Variants in KHSRP observed in about 807,000 individuals in gnomAD.
The protein encoded by KHSRP is KH-type splicing regulatory protein.
KHSRP carries 13 observed loss-of-function variants against 94.9 expected under a neutral mutation model. The observed-to-expected ratio is 0.14, with a 90% CI of 0.09 to 0.22. The LOEUF is 0.22. KHSRP is among the 10% of genes least tolerant of loss of function. The pLI, the probability that KHSRP is intolerant of heterozygous loss-of-function variation, is 1.00. For synonymous variants in KHSRP, 495 were observed against 401.4 expected, an observed-to-expected ratio of 1.23 and a Z score of -2.79; for missense variants, 710 against 1,010.0, an observed-to-expected ratio of 0.70 and a Z score of 4.03.
In KHSRP at chr19:6,421,321, T is replaced by C. The variant is rs766054606; in HGVS notation, c.386-4A>G. The C allele has an allele frequency of 3.2e-6, 5 of 1,586,794 alleles. No homozygotes were observed. Among genetic ancestry groups the C allele is most frequent in the East Asian group, 4.6e-5 (2 of 43,500 alleles). On this transcript the variant is annotated splice_polypyrimidine_tract_variant and splice_region_variant and intron_variant, in intron 3 of 18. Coordinates refer to ENST00000600480, the MANE Select transcript of KHSRP (RefSeq NM_001366299.1). ...GGTCCAAGTTGAGAACTGATTGCTGTAGAGAGAAAACCCAAAGCAAAGACT... is the reference window on the plus strand; with the variant it reads ...GGTCCAAGTTGAGAACTGATTGCTGCAGAGAGAAAACCCAAAGCAAAGACT...
chr19:6,419,066 G>A (rs2092177215), intron 7 of KHSRP, 137 bp downstream of exon 7: 3 of 1,126,124 alleles, frequency 2.7e-6, no homozygotes, highest in African/African-American at 1.6e-5. Context: ...TCAGCCTCAT[G>A]TTAACATGGC....
intron 1 of KHSRP, 68 bp downstream of exon 1, chr19:6,424,385 T>C (rs1239955111): frequency 5.1e-5 from 41 of 807,118 alleles, no homozygotes; most frequent in Admixed American, 3.2e-4. Flanking sequence ...CGCGCGCACG[T>C]GACCCCCGCC....
Position 6,413,203 on chromosome 19 carries a change from T to C in KHSRP, c.*1821A>G, listed in dbSNP as rs2145106180. On this transcript the variant is annotated 3_prime_UTR_variant, in exon 19 of 19. Coordinates refer to ENST00000600480, the MANE Select transcript of KHSRP (RefSeq NM_001366299.1). ...CCTGAAGAAAACTATTTTATATTTT[T>C]CTTAAAAAAAAAAAAACACAAAGTT... is the stretch of plus-strand genomic sequence containing the variant. 1 of 158,790 alleles carries C rather than the reference T, an allele frequency of 6.3e-6. No homozygotes were observed. The highest frequency in any genetic ancestry group is 1.3e-4 in the South Asian group (1 of 7,658). The allele number at this position is 158,790 out of a possible 1,614,324, so 9.8% of individuals were successfully genotyped here. A position where few individuals can be genotyped will look rare whatever the true frequency, so the allele number is the denominator to read the frequency against.
intron 7 of KHSRP, 48 bp downstream of exon 7, chr19:6,419,155 C>A: frequency 6.6e-7 from 1 of 1,525,556 alleles, no homozygotes. Context: ...ACAGAGCAGG[C>A]TTCTGCCTGC....
rs377694691 is a variant in KHSRP, at chr19:6,420,205, G to A, written c.476-61C>T. 4.1e-5 allele frequency: 60 copies of A among 1,470,424 alleles called. No individual in the cohort carries two copies. In the East Asian group the frequency reaches 1.0e-3, roughly 25 times the overall value. 91.1% of individuals were successfully genotyped at this position (1,470,424 alleles called of 1,614,324 possible). A position where few individuals can be genotyped will look rare whatever the true frequency, so the allele number is the denominator to read the frequency against. On this transcript the variant is annotated intron_variant, in intron 5 of 18. Coordinates refer to ENST00000600480, the MANE Select transcript of KHSRP (RefSeq NM_001366299.1). ...TGAGGGAAGGGAGCCCAGGCCTCAG[G>A]AGACTGTGTGGCCGGGGCCCCAGCC...
rs977739856 is a variant in KHSRP, at chr19:6,424,439, C to T, written c.249+14G>A. On this transcript the variant is annotated intron_variant, in intron 1 of 18. Coordinates refer to ENST00000600480, the MANE Select transcript of KHSRP (RefSeq NM_001366299.1). Reference sequence around the variant, plus strand: ...CGCGCGCGAGCGCGCCCCTCAGGCCCTCGGCCTCCTCACCTGGCGGGCCCG... The same window carrying T: ...CGCGCGCGAGCGCGCCCCTCAGGCCTTCGGCCTCCTCACCTGGCGGGCCCG... 2 of 990,796 alleles carry T rather than the reference C, an allele frequency of 2.0e-6. No homozygotes were observed. The highest frequency in any genetic ancestry group is 3.5e-5 in the African/African-American group (2 of 56,666). 61.4% of individuals were successfully genotyped at this position (990,796 alleles called of 1,614,324 possible).
Position 6,414,830 on chromosome 19 carries a change from C to T in KHSRP, c.*194G>A, listed in dbSNP as rs943622500. Reference sequence around the variant, plus strand: ...CCCACCGTCCGCGCTGTCTGCCTGCCCCCCGACTCCCCAGCAGTTCAGAAG... The same window carrying T: ...CCCACCGTCCGCGCTGTCTGCCTGCTCCCCGACTCCCCAGCAGTTCAGAAG... On this transcript the variant is annotated 3_prime_UTR_variant, in exon 19 of 19. Transcript: ENST00000600480. 2.4e-6 allele frequency: 3 copies of T among 1,235,398 alleles called. No individual in the cohort carries two copies. Among genetic ancestry groups the T allele is most frequent in the African/African-American group, 3.1e-5 (2 of 64,168 alleles). 76.5% of individuals were successfully genotyped at this position (1,235,398 alleles called of 1,614,324 possible). A position where few individuals can be genotyped will look rare whatever the true frequency, so the allele number is the denominator to read the frequency against.
chr19:6,417,923 C>G, intron 10 of KHSRP, 58 bp downstream of exon 10: 8 of 1,602,126 alleles, frequency 5.0e-6, no homozygotes, highest in Non-Finnish European at 5.1e-6. Flanking sequence ...AGCCACTCAC[C>G]CCGGCCCCTC....
At chr19:6,423,758 G>A (rs369223185) in intron 1 of KHSRP, among the ~76,000 whole-genome samples, 11 of 152,276 alleles carry the variant, frequency 7.2e-5, no homozygotes, top group African/African-American at 2.2e-4. Flanking sequence ...ACCCCTCCAG[G>A]CCATGGGGAG....
intron 7 of KHSRP, 110 bp downstream of exon 7, chr19:6,419,093 C>G: frequency 8.3e-7 from 1 of 1,205,942 alleles, no homozygotes; most frequent in Non-Finnish European, 1.2e-6. Context: ...GAGATGGGGG[C>G]AAGAATGGAG....
In KHSRP at chr19:6,415,007, G is replaced by T; in HGVS notation, c.*17C>A. On this transcript the variant is annotated 3_prime_UTR_variant, in exon 19 of 19. Coordinates refer to ENST00000600480, the MANE Select transcript of KHSRP (RefSeq NM_001366299.1). The stretch of plus-strand genomic sequence containing the variant: ...GACTCCCGGAGACCTCCGGCCACAC[G>T]GCCCCCGCTGCAGGCATCAAGGGCA... 1 of 1,453,256 alleles carries T rather than the reference G, an allele frequency of 6.9e-7. No individual in the cohort carries two copies. The highest frequency in any genetic ancestry group is 9.0e-7 in the Non-Finnish European group (1 of 1,109,808). 90.0% of individuals were successfully genotyped at this position (1,453,256 alleles called of 1,614,324 possible). A position where few individuals can be genotyped will look rare whatever the true frequency, so the allele number is the denominator to read the frequency against.
At chr19:6,415,959 T>C (rs2092142505) in intron 15 of KHSRP, 63 bp from the exon 16 acceptor site, 2 of 1,071,126 alleles carry the variant, frequency 1.9e-6, no homozygotes, top group South Asian at 1.7e-5. Context: ...CCGGACCACC[T>C]GGGGTGGGGA....
chr19:6,419,273 GAT>G lies in KHSRP; in HGVS notation c.548-15_548-14del. The G allele has an allele frequency of 1.3e-6, 2 of 1,560,140 alleles. No individual in the cohort carries two copies. The highest frequency in any genetic ancestry group is 1.7e-6 in the Non-Finnish European group (2 of 1,153,392). On this transcript the variant is annotated splice_polypyrimidine_tract_variant and intron_variant, in intron 6 of 18. Coordinates refer to ENST00000600480, the MANE Select transcript of KHSRP (RefSeq NM_001366299.1). ...AGGCCACCGCTGTCTGAAAAGAGGA[GAT>G]AGAGTCAGTGCCCTCCCTGGCCCAC... is the stretch of plus-strand genomic sequence containing the variant.
chr19:6,416,287 AG>A lies in KHSRP; in HGVS notation c.1598+10del. 1 of 1,587,596 alleles carries A rather than the reference AG, an allele frequency of 6.3e-7. No homozygotes were observed. Among genetic ancestry groups the A allele is most frequent in the South Asian group, 1.1e-5 (1 of 88,266 alleles). ...CCCGGCCTCAAAACCCAGGAGGCAG[AG>A]GATACTCACTGTGGGGGAGCCCCGG... On this transcript the variant is annotated intron_variant, in intron 15 of 18. Coordinates refer to ENST00000600480, the MANE Select transcript of KHSRP (RefSeq NM_001366299.1).
In KHSRP at chr19:6,417,761, G is replaced by A. The variant is rs375087226; in HGVS notation, c.1059C>T (p.Gly353=). The A allele has an allele frequency of 5.5e-4, 887 of 1,613,828 alleles. No individual in the cohort carries two copies. The highest frequency in any genetic ancestry group is 6.8e-4 in the Non-Finnish European group (808 of 1,179,768). Reference sequence around the variant, plus strand: ...GACCTTGCTTGAACTGTATCCGCACGCCAGCATCATTCTGGATCTTCTTGA... The same window carrying A: ...GACCTTGCTTGAACTGTATCCGCACACCAGCATCATTCTGGATCTTCTTGA... ...EMIKKIQNDA[G]VRIQFKQDDG... Residue 353 remains glycine (G), a synonymous_variant, in exon 11 of 19, where the codon GGC becomes GGT. Coordinates refer to ENST00000600480, the MANE Select transcript of KHSRP (RefSeq NM_001366299.1).
chr19:6,423,869 CAA>C (rs1049770185), intron 1 of KHSRP, among the ~76,000 whole-genome samples: 10 of 152,316 alleles, frequency 6.6e-5, no homozygotes, highest in South Asian at 2.1e-4. Flanking sequence ...TTCTTTCCCC[CAA>C]AGAGACAGAC....
chr19:6,421,486 C>T lies in KHSRP; in HGVS notation c.385+164G>A, dbSNP rs950916860. On this transcript the variant is annotated intron_variant, in intron 3 of 18. Transcript: ENST00000600480. ...CCATAAAAGCACAGAGCTCATCTCC[C>T]TCAATTTCAGGGTTCCTGGGATCCC... is the stretch of plus-strand genomic sequence containing the variant. The T allele has an allele frequency of 7.9e-6, 8 of 1,010,612 alleles. No individual in the cohort carries two copies. In the African/African-American group the frequency reaches 1.1e-4, roughly 14 times the overall value. The allele number at this position is 1,010,612 out of a possible 1,614,324, so 62.6% of individuals were successfully genotyped here.
chr19:6,420,327 C>A, intron 5 of KHSRP, 95 bp downstream of exon 5: 1 of 1,286,214 alleles, frequency 7.8e-7, no homozygotes. Flanking sequence ...ACATAGGAGC[C>A]CTCTCAGACC....
Position 6,413,336 on chromosome 19 carries a change from C to T in KHSRP, c.*1688G>A. On this transcript the variant is annotated 3_prime_UTR_variant, in exon 19 of 19. Coordinates refer to ENST00000600480, the MANE Select transcript of KHSRP (RefSeq NM_001366299.1). ...AGGAAAGGGGGGGAGACAGACAGCACCCGCAGACGGGGAGGTTTTGTTATC... is the reference window on the plus strand; with the variant it reads ...AGGAAAGGGGGGGAGACAGACAGCATCCGCAGACGGGGAGGTTTTGTTATC... 5.9e-6 allele frequency: 2 copies of T among 339,864 alleles called. No individual in the cohort carries two copies. Among genetic ancestry groups the T allele is most frequent in the Non-Finnish European group, 1.2e-5 (2 of 169,866 alleles). The allele number at this position is 339,864 out of a possible 1,614,324, so 21.1% of individuals were successfully genotyped here.
Sources: allele counts gnomAD v4.1 joint callset (sites outside exome capture counted in the v4.1 genomes callset), GRCh38; gene constraint gnomAD v4.1.1; transcripts MANE v1.5; gene names NCBI Gene and HGNC (gene_info 2026-07-23, HGNC 2026-07-21).